Variants in TBX19 observed in about 807,000 individuals in gnomAD.
TBX19 encodes the protein T-box transcription factor 19.
A neutral mutation model predicts 40.9 loss-of-function variants in TBX19; 33 were observed. The observed-to-expected ratio is 0.81, with a 90% CI of 0.61 to 1.08. The LOEUF (loss-of-function observed/expected upper bound fraction) is 1.08, where lower values mean the gene tolerates loss of function less well. Among genes scored for constraint, TBX19 ranks in the 50% least tolerant of loss-of-function variants. The pLI is 0.00. For synonymous variants in TBX19, 220 were observed against 225.0 expected, an observed-to-expected ratio of 0.98 and a Z score of 0.20; for missense variants, 494 against 574.0, an observed-to-expected ratio of 0.86 and a Z score of 1.42.
intron 4 of TBX19, among the ~76,000 whole-genome samples, chr1:168,298,966 T>C (rs1452305658): frequency 6.8e-6 from 1 of 147,730 alleles, no homozygotes; most frequent in Non-Finnish European, 1.5e-5. Context: ...AGAGTCAGGC[T>C]GGAGTGGCAC....
intron 1 of TBX19, among the ~76,000 whole-genome samples, chr1:168,286,928 C>T (rs547282048): frequency 1.8e-4 from 28 of 152,336 alleles, no homozygotes; most frequent in African/African-American, 6.7e-4. Flanking sequence ...ATCCTAGTGG[C>T]CATGAAGTGG....
Position 168,281,161 on chromosome 1 carries a change from AGAGT to A in TBX19, c.75_78del (p.Glu26PhefsTer35), listed in dbSNP as rs760520604. On this transcript the variant is annotated frameshift_variant, in exon 1 of 8. Coordinates refer to ENST00000367821, the MANE Select transcript of TBX19 (RefSeq NM_005149.3). LOFTEE classifies it high-confidence loss of function. Reference sequence around the variant, plus strand: ...GTTTCTCATCTGCTCAATGTGGTGGAGAGTGAGCTTCAGGCAGGGAGGGAAAAAG... The same window carrying A: ...GTTTCTCATCTGCTCAATGTGGTGGAGAGCTTCAGGCAGGGAGGGAAAAAG... 4.3e-6 allele frequency: 7 copies of A among 1,614,134 alleles called. No individual in the cohort carries two copies. The highest frequency in any genetic ancestry group is 5.9e-6 in the Non-Finnish European group (7 of 1,180,022).
intron 1 of TBX19, 103 bp downstream of exon 1, chr1:168,281,396 G>C (rs540002840): frequency 1.8e-6 from 2 of 1,096,430 alleles, no homozygotes; most frequent in East Asian, 4.9e-5. Context: ...GAGGCGGCGG[G>C]ATCTGATTAA....
chr1:168,293,343 A>T, intron 3 of TBX19, 65 bp downstream of exon 3: 2 of 1,514,828 alleles, frequency 1.3e-6, no homozygotes, highest in Non-Finnish European at 1.8e-6. Flanking sequence ...CACCTGGGAG[A>T]TCATGGCAGG....
At chr1:168,307,833 T>C (rs558445145) in intron 6 of TBX19, among the ~76,000 whole-genome samples, 1 of 152,304 alleles carries the variant, frequency 6.6e-6, no homozygotes, top group East Asian at 1.9e-4. Flanking sequence ...CAAATTAACA[T>C]GTCCATCTCC....
intron 4 of TBX19, among the ~76,000 whole-genome samples, chr1:168,298,152 C>T (rs886760701): frequency 6.6e-6 from 1 of 152,062 alleles, no homozygotes; most frequent in African/African-American, 2.4e-5. Context: ...GCCGAGATGG[C>T]GCCACTGCAT....
At chr1:168,299,068 C>T (rs922528128) in intron 4 of TBX19, among the ~76,000 whole-genome samples, 1 of 150,962 alleles carries the variant, frequency 6.6e-6, no homozygotes, top group South Asian at 2.1e-4. Flanking sequence ...TGGCCACCAC[C>T]ATGCCCAGCT....
chr1:168,309,984 G>A (rs1006135593), intron 7 of TBX19, among the ~76,000 whole-genome samples: 5 of 152,126 alleles, frequency 3.3e-5, no homozygotes, highest in African/African-American at 1.2e-4. Context: ...ATTTTGAGAA[G>A]GTCCAAAGTG....
At chr1:168,308,984 GTC>G in intron 7 of TBX19, 107 bp downstream of exon 7, 1 of 1,502,812 alleles carries the variant, frequency 6.7e-7, no homozygotes, top group Non-Finnish European at 9.2e-7. Context: ...CTAACCTATT[GTC>G]TTGACTTCTA....
At chr1:168,306,295 C>T (rs576907130) in intron 6 of TBX19, among the ~76,000 whole-genome samples, 1 of 152,264 alleles carries the variant, frequency 6.6e-6, no homozygotes, top group South Asian at 2.1e-4. Flanking sequence ...CTACTGTGTA[C>T]CGTGTTCTTC....
chr1:168,301,871 A>T (rs1649282300), intron 5 of TBX19, among the ~76,000 whole-genome samples: 1 of 152,162 alleles, frequency 6.6e-6, no homozygotes. Flanking sequence ...AATGCCTTTA[A>T]AGAATTGCCC....
In TBX19 at chr1:168,313,861, T is replaced by C. The variant is rs992269862; in HGVS notation, c.*859T>C. 1.3e-5 allele frequency: 2 copies of C among 152,102 alleles called. No individual in the cohort carries two copies. Among genetic ancestry groups the C allele is most frequent in the African/African-American group, 4.8e-5 (2 of 41,414 alleles). The allele number at this position is 152,102 out of a possible 1,614,324, so 9.4% of individuals were successfully genotyped here. On this transcript the variant is annotated 3_prime_UTR_variant, in exon 8 of 8. Transcript: ENST00000367821. ...AGGAGGTTGAGGCTGCAGTGAATTA[T>C]GATTGTGGCATTGCACTCCAGCCTG...
intron 4 of TBX19, among the ~76,000 whole-genome samples, chr1:168,300,169 A>C (rs1157746135): frequency 6.6e-6 from 1 of 152,150 alleles, no homozygotes; most frequent in Non-Finnish European, 1.5e-5. Flanking sequence ...TATTCAGATC[A>C]AAATAAACAG....
intron 1 of TBX19, 44 bp from the exon 2 acceptor site, chr1:168,291,116 C>G: frequency 6.2e-7 from 1 of 1,613,378 alleles, no homozygotes; most frequent in Non-Finnish European, 8.5e-7. Context: ...GTGAGAGTTC[C>G]TCTAACGTCC....
intron 1 of TBX19, among the ~76,000 whole-genome samples, chr1:168,287,496 G>A (rs950581200): frequency 4.6e-5 from 7 of 151,952 alleles, no homozygotes; most frequent in Non-Finnish European, 8.8e-5. Flanking sequence ...ATGGGGTCTC[G>A]CTAAATTGAC....
intron 3 of TBX19, among the ~76,000 whole-genome samples, chr1:168,295,522 G>A (rs940165154): frequency 5.9e-5 from 9 of 152,226 alleles, no homozygotes; most frequent in Admixed American, 2.6e-4. Flanking sequence ...CATCACAGAT[G>A]TGCAGAGAAA....
intron 5 of TBX19, 58 bp downstream of exon 5, chr1:168,300,541 T>G (rs1649253017): frequency 1.3e-6 from 2 of 1,502,632 alleles, no homozygotes; most frequent in African/African-American, 1.4e-5. Flanking sequence ...AGCCAGCTCC[T>G]TCCACACTCA....
intron 3 of TBX19, among the ~76,000 whole-genome samples, chr1:168,295,255 C>T (rs1357174604): frequency 2.0e-5 from 3 of 151,872 alleles, no homozygotes; most frequent in Non-Finnish European, 2.9e-5. Flanking sequence ...TGCGCCACTG[C>T]ACTCCATCCT....
chr1:168,310,298 A>C (rs78406726), intron 7 of TBX19, among the ~76,000 whole-genome samples: 1 of 136,590 alleles, frequency 7.3e-6, no homozygotes, highest in South Asian at 2.9e-4. Flanking sequence ...CTCTGCCTCC[A>C]AAAAAAAAAA....
Sources: allele counts gnomAD v4.1 joint callset (sites outside exome capture counted in the v4.1 genomes callset), GRCh38; gene constraint gnomAD v4.1.1; transcripts MANE v1.5; gene names NCBI Gene and HGNC (gene_info 2026-07-23, HGNC 2026-07-21).